Variants in TRIM24 observed in about 807,000 individuals in gnomAD.
TRIM24 encodes the protein transcription intermediary factor 1-alpha.
Under a neutral mutation model 123.9 loss-of-function variants are expected in TRIM24, and 29 were observed. The observed-to-expected ratio is 0.23, with a 90% CI of 0.17 to 0.32. The LOEUF is 0.32. Ranked by LOEUF, TRIM24 falls within the 10% of genes least tolerant of loss-of-function variation. The probability of loss-of-function intolerance (pLI) is 1.00; values close to 1 mark genes in which losing one functional copy is unlikely to be tolerated. For synonymous variants in TRIM24, 456 were observed against 461.1 expected (o/e 0.99, Z 0.14); for missense variants, 932 against 1,295.3 (o/e 0.72, Z 4.31).
intron 1 of TRIM24, among the ~76,000 whole-genome samples, chr7:138,482,203 C>T (rs967555839): frequency 2.6e-5 from 4 of 152,066 alleles, no homozygotes; most frequent in Admixed American, 1.3e-4. Flanking sequence ...CTGTCTTGGT[C>T]TTGGGATTAC....
chr7:138,546,761 A>G (rs1584732120), intron 7 of TRIM24, among the ~76,000 whole-genome samples: 1 of 152,210 alleles, frequency 6.6e-6, no homozygotes, highest in East Asian at 1.9e-4. Flanking sequence ...AAATGATTAA[A>G]TGGCTATTGT....
chr7:138,474,954 G>C (rs2116464235), intron 1 of TRIM24, among the ~76,000 whole-genome samples: 1 of 152,326 alleles, frequency 6.6e-6, no homozygotes, highest in East Asian at 1.9e-4. Flanking sequence ...TGACAAAGTA[G>C]TATATACTTG....
chr7:138,558,770 C>T (rs950322201), intron 9 of TRIM24, among the ~76,000 whole-genome samples: 2 of 152,208 alleles, frequency 1.3e-5, no homozygotes, highest in African/African-American at 4.8e-5. Flanking sequence ...GCAGACCTGG[C>T]TCTAAGATGG....
Position 138,586,625 on chromosome 7 carries a change from T to TA in TRIM24, c.*1677dup, listed in dbSNP as rs1362519281. On this transcript the variant is annotated 3_prime_UTR_variant, in exon 19 of 19. Transcript: ENST00000343526. ...ATGGTAATGTTTGTCATTGTTGTTT[T>TA]AAAGTTGCATTTGACATTTGTTCTC... 3 of 152,246 alleles carry TA rather than the reference T, an allele frequency of 2.0e-5. No individual in the cohort carries two copies. Among genetic ancestry groups the TA allele is most frequent in the Non-Finnish European group, 4.4e-5 (3 of 68,030 alleles). The allele number at this position is 152,246 out of a possible 1,614,324, so 9.4% of individuals were successfully genotyped here.
chr7:138,499,375 AT>A (rs1795981810), intron 1 of TRIM24, among the ~76,000 whole-genome samples: 1 of 152,208 alleles, frequency 6.6e-6, no homozygotes, highest in Admixed American at 6.5e-5. Flanking sequence ...GAGTCAAAAC[AT>A]TTATAAGCAC....
At chr7:138,576,573 A>AT (rs1410283841) in intron 13 of TRIM24, 128 bp downstream of exon 13, 25 of 672,912 alleles carry the variant, frequency 3.7e-5, no homozygotes, top group African/African-American at 1.0e-4. Flanking sequence ...TAAAATTTTA[A>AT]TAACTACTAT....
At chr7:138,496,438 C>G (rs547390869) in intron 1 of TRIM24, among the ~76,000 whole-genome samples, 12 of 152,122 alleles carry the variant, frequency 7.9e-5, no homozygotes, top group African/African-American at 2.9e-4. Context: ...TTTATTGTGT[C>G]TTTTTGCACT....
At chr7:138,461,002 C>A in intron 1 of TRIM24, 90 bp downstream of exon 1, 2 of 1,199,478 alleles carry the variant, frequency 1.7e-6, no homozygotes, top group Non-Finnish European at 2.2e-6. Context: ...TGTCATGTCG[C>A]CGCCGCCCGG....
chr7:138,533,382 A>G lies in TRIM24; in HGVS notation c.996+4152A>G, dbSNP rs574999687. 2.4e-4 allele frequency among the ~76,000 whole-genome samples: 37 copies of G among 152,348 alleles called. 1 individual carries two copies. The highest frequency in any genetic ancestry group is 8.7e-4 in the African/African-American group (36 of 41,586). Reference sequence around the variant, plus strand: ...CATAAATAGCTCTTATTATTTTGAGATACGTCCCATCAATACCTAATTTAT... The same window carrying G: ...CATAAATAGCTCTTATTATTTTGAGGTACGTCCCATCAATACCTAATTTAT... On this transcript the variant is annotated intron_variant, in intron 6 of 18. Transcript: ENST00000343526.
At chr7:138,563,800 A>G (rs1797476625) in intron 9 of TRIM24, among the ~76,000 whole-genome samples, 2 of 152,114 alleles carry the variant, frequency 1.3e-5, no homozygotes, top group South Asian at 4.1e-4. Flanking sequence ...TATTTCCTAT[A>G]TTGATTGCCT....
In TRIM24 at chr7:138,575,407, T is replaced by G. The variant is rs192113340; in HGVS notation, c.2015-966T>G. On this transcript the variant is annotated intron_variant, in intron 12 of 18. Transcript: ENST00000343526. ...GCTTGGGCTCTAGTGATCCTCCTGC[T>G]TTAGCCTTCCCAGTAGTGGGGACTA... Among the ~76,000 whole-genome samples the G allele has an allele frequency of 1.6e-3, 238 of 151,992 alleles. 6 individuals carry two copies. The highest frequency in any genetic ancestry group is 4.4e-4 in the Non-Finnish European group (30 of 67,986).
At chr7:138,508,692 T>C (rs6946423) in intron 2 of TRIM24, among the ~76,000 whole-genome samples, 28,069 of 137,064 alleles carry the variant, frequency 0.2, 4,454 homozygotes, top group African/African-American at 0.44. Flanking sequence ...TGTGTGTGTG[T>C]GCGCGCGCGT....
chr7:138,526,897 G>A (rs1796622130), intron 5 of TRIM24, among the ~76,000 whole-genome samples: 1 of 151,892 alleles, frequency 6.6e-6, no homozygotes, highest in African/African-American at 2.4e-5. Flanking sequence ...GATAATTATA[G>A]GCATTTCTAC....
chr7:138,529,165 GT>G lies in TRIM24; in HGVS notation c.933del (p.Ala312LeufsTer5), dbSNP rs1267549797. On this transcript the variant is annotated frameshift_variant, in exon 6 of 19. Transcript: ENST00000343526. LOFTEE classifies it high-confidence loss of function. ...NQKQVEQDIK[V>X]AIFTLMVEIN... The stretch of plus-strand genomic sequence containing the variant: ...AAAGCAGGTGGAACAGGATATTAAA[GT>G]TGCTATATTTACACTGATGGTAGAA... The G allele has an allele frequency of 6.3e-7, 1 of 1,580,128 alleles. No homozygotes were observed. Among genetic ancestry groups the G allele is most frequent in the Non-Finnish European group, 8.6e-7 (1 of 1,166,924 alleles).
intron 1 of TRIM24, among the ~76,000 whole-genome samples, chr7:138,472,644 A>G (rs1795296435): frequency 6.6e-6 from 1 of 152,196 alleles, no homozygotes; most frequent in African/African-American, 2.4e-5. Flanking sequence ...ATGAATTAAC[A>G]ACGATACCTA....
intron 1 of TRIM24, among the ~76,000 whole-genome samples, chr7:138,461,539 T>C (rs1334783375): frequency 6.6e-6 from 1 of 152,208 alleles, no homozygotes; most frequent in Non-Finnish European, 1.5e-5. Context: ...TGTGTCTCTT[T>C]CAAAGGTTTT....
chr7:138,481,610 G>A (rs1350912197), intron 1 of TRIM24, among the ~76,000 whole-genome samples: 1 of 151,878 alleles, frequency 6.6e-6, no homozygotes, highest in Non-Finnish European at 1.5e-5. Flanking sequence ...TGAGACTAGT[G>A]TGGGCAACAT....
rs747835627 is a variant in TRIM24, at chr7:138,573,490, A to ATTTC, written c.1879-13_1879-10dup. 5.9e-6 allele frequency: 9 copies of ATTTC among 1,533,830 alleles called. No individual in the cohort carries two copies. The Admixed American group carries it at 1.2e-4, about 21-fold the overall frequency. ...TGCAAAATCAGAATGCCCTGAAATA[A>ATTTC]TTTCTTTTCTTGTAAGATTGACTGT... On this transcript the variant is annotated splice_polypyrimidine_tract_variant and intron_variant, in intron 11 of 18. Transcript: ENST00000343526.
rs867211041 is a variant in TRIM24, at chr7:138,528,787, C to G, written c.882-329C>G. Among the ~76,000 whole-genome samples, 50 of 101,352 alleles carry G rather than the reference C, an allele frequency of 4.9e-4. No individual in the cohort carries two copies. The South Asian group carries it at 0.015, about 31-fold the overall frequency. 66.5% of individuals were successfully genotyped at this position (101,352 alleles called of 152,430 possible). On this transcript the variant is annotated intron_variant, in intron 5 of 18. Coordinates refer to ENST00000343526, the MANE Select transcript of TRIM24 (RefSeq NM_015905.3). ...AATCCTTTTTGGTCCACCCCCACCC[C>G]CCCCCCCATCCTTTTAGGTAGAGCA...
Sources: allele counts gnomAD v4.1 joint callset (sites outside exome capture counted in the v4.1 genomes callset), GRCh38; gene constraint gnomAD v4.1.1; transcripts MANE v1.5; gene names NCBI Gene and HGNC (gene_info 2026-07-23, HGNC 2026-07-21).